The following TMEFF2 variants were observed in gnomAD, a reference collection of about 807,000 sequenced individuals.
The protein encoded by TMEFF2 is transmembrane protein with EGF like and two follistatin like domains 2, also known as tomoregulin-2.
TMEFF2 carries 28 observed loss-of-function variants against 53.8 expected under a neutral mutation model. That is an observed-to-expected ratio of 0.52 (90% CI 0.39 to 0.71). The LOEUF (loss-of-function observed/expected upper bound fraction) is 0.71. TMEFF2 is among the 30% of genes least tolerant of loss of function. The pLI is 0.00. For missense variants in TMEFF2, 353 were observed against 455.2 expected, an observed-to-expected ratio of 0.78 and a Z score of 2.04; for synonymous variants, 162 against 166.3, an observed-to-expected ratio of 0.97 and a Z score of 0.20.
intron 4 of TMEFF2, among the ~76,000 whole-genome samples, chr2:192,098,250 AC>A (rs1293559221): frequency 1.3e-5 from 2 of 152,194 alleles, no homozygotes; most frequent in Non-Finnish European, 2.9e-5. Context: ...GTCAATTCAA[AC>A]CTTATTTGAA....
chr2:192,043,174 C>A (rs1687527024), intron 5 of TMEFF2, among the ~76,000 whole-genome samples: 1 of 151,992 alleles, frequency 6.6e-6, no homozygotes, highest in South Asian at 2.1e-4. Context: ...TCATGGTGTT[C>A]CTAAAAGTGA....
At chr2:191,966,261 G>A (rs933043673) in intron 7 of TMEFF2, among the ~76,000 whole-genome samples, 1 of 152,198 alleles carries the variant, frequency 6.6e-6, no homozygotes, top group Non-Finnish European at 1.5e-5. Flanking sequence ...AGTGGCTGCA[G>A]ATCCTGGAGA....
At chr2:191,951,909 C>A (rs935138487) in intron 9 of TMEFF2, among the ~76,000 whole-genome samples, 1 of 152,148 alleles carries the variant, frequency 6.6e-6, no homozygotes, top group South Asian at 2.1e-4. Flanking sequence ...AGTCTATGTG[C>A]CTTGGAAAAA....
intron 4 of TMEFF2, among the ~76,000 whole-genome samples, chr2:192,107,138 C>T (rs1042143633): frequency 1.3e-5 from 2 of 151,722 alleles, no homozygotes; most frequent in East Asian, 1.9e-4. Context: ...AGTGTTTGTA[C>T]TTTATTCTCT....
At chr2:192,191,294 T>G (rs116605291) in intron 2 of TMEFF2, among the ~76,000 whole-genome samples, 3,280 of 152,284 alleles carry the variant, frequency 0.022, 124 homozygotes, top group African/African-American at 0.074. Flanking sequence ...CTTGTGGATC[T>G]AAATGCTCTT....
At chr2:192,088,009 T>C (rs1466498654) in intron 4 of TMEFF2, among the ~76,000 whole-genome samples, 2 of 152,156 alleles carry the variant, frequency 1.3e-5, no homozygotes, top group African/African-American at 4.8e-5. Context: ...AAAGGCAAAC[T>C]CTTTTCAGTG....
intron 7 of TMEFF2, among the ~76,000 whole-genome samples, chr2:191,971,577 C>T (rs975237360): frequency 1.3e-5 from 2 of 152,094 alleles, no homozygotes; most frequent in Non-Finnish European, 2.9e-5. Context: ...CTATATAGCC[C>T]CCTGGATCCA....
intron 4 of TMEFF2, among the ~76,000 whole-genome samples, chr2:192,069,841 C>G (rs1464266474): frequency 6.6e-6 from 1 of 151,340 alleles, no homozygotes; most frequent in Non-Finnish European, 1.5e-5. Context: ...TTTTTAAATT[C>G]AAACTGCTTT....
intron 5 of TMEFF2, among the ~76,000 whole-genome samples, chr2:192,046,994 C>T (rs1483499259): frequency 6.6e-6 from 1 of 151,600 alleles, no homozygotes. Flanking sequence ...GATCTTGGCT[C>T]ACTGCAGCCT....
intron 4 of TMEFF2, among the ~76,000 whole-genome samples, chr2:192,071,099 G>T (rs1241693733): frequency 6.6e-6 from 1 of 151,866 alleles, no homozygotes; most frequent in Non-Finnish European, 1.5e-5. Context: ...GCAGCAGAGA[G>T]ATAGTAAAAA....
At chr2:192,120,653 T>G (rs1385472769) in intron 4 of TMEFF2, among the ~76,000 whole-genome samples, 1 of 152,232 alleles carries the variant, frequency 6.6e-6, no homozygotes, top group African/African-American at 2.4e-5. Context: ...TGTGGTCTTT[T>G]GGGTGACAAT....
At chr2:192,050,489 T>A (rs1687741726) in intron 5 of TMEFF2, among the ~76,000 whole-genome samples, 1 of 152,232 alleles carries the variant, frequency 6.6e-6, no homozygotes, top group African/African-American at 2.4e-5. Flanking sequence ...CCCTCCTTTT[T>A]CTGGAGGGGT....
intron 4 of TMEFF2, among the ~76,000 whole-genome samples, chr2:192,130,505 G>A (rs776155394): frequency 2.2e-4 from 34 of 152,210 alleles, no homozygotes; most frequent in Non-Finnish European, 4.0e-4. Flanking sequence ...GCCCCGCCTT[G>A]ACTGATGACA....
Position 192,179,830 on chromosome 2 carries a change from C to T in TMEFF2, c.413-136G>A, listed in dbSNP as rs3754545. 4.1e-3 allele frequency: 2,539 copies of T among 613,636 alleles called. 50 individuals carry two copies. In the East Asian group the frequency reaches 0.05, roughly 12 times the overall value. 38.0% of individuals were successfully genotyped at this position (613,636 alleles called of 1,614,324 possible). A position where few individuals can be genotyped will look rare whatever the true frequency, so the allele number is the denominator to read the frequency against. On this transcript the variant is annotated intron_variant, in intron 3 of 9. Coordinates refer to ENST00000272771, the MANE Select transcript of TMEFF2 (RefSeq NM_016192.4). ...AAAATACTAATATTTAATCCAAAAA[C>T]GTACATTCACATCAATTTAATTTAA... is the stretch of plus-strand genomic sequence containing the variant.
chr2:192,162,639 C>G (rs1304123835), intron 4 of TMEFF2, among the ~76,000 whole-genome samples: 1 of 152,070 alleles, frequency 6.6e-6, no homozygotes, highest in African/African-American at 2.4e-5. Context: ...CAGCACTACT[C>G]CCACTTCATG....
chr2:192,167,080 G>A (rs1690787205), intron 4 of TMEFF2, among the ~76,000 whole-genome samples: 1 of 152,040 alleles, frequency 6.6e-6, no homozygotes, highest in Non-Finnish European at 1.5e-5. Flanking sequence ...GCATCTTGAG[G>A]CATTCAAGTC....
intron 4 of TMEFF2, among the ~76,000 whole-genome samples, chr2:192,078,038 T>A (rs1688474148): frequency 6.6e-6 from 1 of 152,028 alleles, no homozygotes; most frequent in African/African-American, 2.4e-5. Flanking sequence ...AAAGCAAAAA[T>A]TTTCAAATCT....
At chr2:192,172,916 T>G (rs932340631) in intron 4 of TMEFF2, among the ~76,000 whole-genome samples, 3 of 151,916 alleles carry the variant, frequency 2.0e-5, no homozygotes, top group African/African-American at 7.2e-5. Flanking sequence ...AAGGACTGGC[T>G]TAGTCACCAT....
intron 4 of TMEFF2, among the ~76,000 whole-genome samples, chr2:192,131,717 C>T (rs1453407301): frequency 6.6e-6 from 1 of 152,148 alleles, no homozygotes; most frequent in Non-Finnish European, 1.5e-5. Flanking sequence ...TTCCATTCCT[C>T]CTCCTTCTCC....
Sources: gnomAD v4.1 joint callset for allele counts (sites outside exome capture counted in the v4.1 genomes callset) on GRCh38, gnomAD v4.1.1 for gene constraint, MANE v1.5 for transcripts, NCBI Gene and HGNC (gene_info 2026-07-23, HGNC 2026-07-21) for gene names.